NEDD4: variants seen among roughly 807,000 people sequenced by gnomAD.
NEDD4 encodes E3 ubiquitin-protein ligase NEDD4.
NEDD4 carries 99 observed loss-of-function variants against 144.9 expected under a neutral mutation model. The observed-to-expected ratio is 0.68, with a 90% CI of 0.58 to 0.81. NEDD4 has a LOEUF of 0.81. Ranked by LOEUF, NEDD4 falls within the 30% of genes least tolerant of loss-of-function variation. The pLI is 0.00. For synonymous variants in NEDD4, 318 were observed against 350.6 expected (o/e 0.91, Z 1.04); for missense variants, 985 against 1,065.9 (o/e 0.92, Z 1.06).
intron 4 of NEDD4, among the ~76,000 whole-genome samples, chr15:55,949,601 C>A (rs2037198211): frequency 6.6e-6 from 1 of 152,144 alleles, no homozygotes; most frequent in Non-Finnish European, 1.5e-5. Context: ...CACATATACA[C>A]CATGGAATAC....
At chr15:55,846,591 T>TA (rs1490444338) in intron 18 of NEDD4, among the ~76,000 whole-genome samples, 8 of 152,054 alleles carry the variant, frequency 5.3e-5, no homozygotes, top group Admixed American at 1.3e-4. Context: ...AACAAAGTCA[T>TA]AAAAAAATCC....
chr15:55,982,672 T>C (rs2037823285), intron 1 of NEDD4, among the ~76,000 whole-genome samples: 2 of 152,200 alleles, frequency 1.3e-5, no homozygotes. Context: ...GCTTTACATG[T>C]TGAAAATCAT....
chr15:55,836,073 T>A (rs1403080671), intron 24 of NEDD4, among the ~76,000 whole-genome samples: 1 of 152,090 alleles, frequency 6.6e-6, no homozygotes, highest in Admixed American at 6.6e-5. Context: ...TTGCCAGACT[T>A]CACACACGCT....
At chr15:55,965,856 G>C (rs2037503840) in intron 2 of NEDD4, among the ~76,000 whole-genome samples, 1 of 151,986 alleles carries the variant, frequency 6.6e-6, no homozygotes, top group Admixed American at 6.6e-5. Flanking sequence ...TCACCATGTT[G>C]GTCAGGCTGG....
At chr15:55,915,330 C>T in intron 5 of NEDD4, 1 of 1,609,800 alleles carries the variant, frequency 6.2e-7, no homozygotes, top group Non-Finnish European at 8.5e-7. Context: ...GTTGCTGTCT[C>T]TTGATAAATT....
chr15:55,844,390 G>T (rs544006165), intron 18 of NEDD4, among the ~76,000 whole-genome samples: 3 of 146,492 alleles, frequency 2.0e-5, no homozygotes, highest in Admixed American at 1.4e-4. Context: ...AGGCACACTG[G>T]TCAGTTAAAG....
At chr15:55,945,686 G>A (rs1221574637) in intron 4 of NEDD4, among the ~76,000 whole-genome samples, 1 of 151,926 alleles carries the variant, frequency 6.6e-6, no homozygotes, top group African/African-American at 2.4e-5. Context: ...CTCGAGAAGA[G>A]CAACCCCAAG....
intron 1 of NEDD4, among the ~76,000 whole-genome samples, chr15:55,972,685 A>C (rs2037631487): frequency 6.6e-6 from 1 of 152,214 alleles, no homozygotes; most frequent in African/African-American, 2.4e-5. Context: ...TCCAATCAAA[A>C]GACATAGAGT....
intron 1 of NEDD4, among the ~76,000 whole-genome samples, chr15:55,981,883 G>A (rs1371906981): frequency 6.6e-6 from 1 of 152,124 alleles, no homozygotes; most frequent in African/African-American, 2.4e-5. Context: ...CAGTTAACGT[G>A]GTTATGGAAG....
chr15:55,978,480 G>C (rs1422845163), intron 1 of NEDD4, among the ~76,000 whole-genome samples: 2 of 152,142 alleles, frequency 1.3e-5, no homozygotes, highest in African/African-American at 4.8e-5. Flanking sequence ...TGTTTGAAAA[G>C]GAGGGAAAGC....
intron 4 of NEDD4, among the ~76,000 whole-genome samples, chr15:55,941,194 T>C (rs953073901): frequency 2.0e-5 from 3 of 152,216 alleles, no homozygotes; most frequent in South Asian, 2.1e-4. Context: ...CTTGGTTTTA[T>C]TTATTTTCTC....
chr15:55,989,190 C>G (rs2140457277), intron 1 of NEDD4, among the ~76,000 whole-genome samples: 1 of 152,294 alleles, frequency 6.6e-6, no homozygotes, highest in East Asian at 1.9e-4. Flanking sequence ...GAGCTGAGAT[C>G]ACGCCATTGC....
intron 1 of NEDD4, among the ~76,000 whole-genome samples, chr15:55,984,443 C>G (rs1204017374): frequency 6.6e-6 from 1 of 152,188 alleles, no homozygotes; most frequent in Non-Finnish European, 1.5e-5. Flanking sequence ...ATGAAAAAAT[C>G]TAACCTGGTG....
intron 5 of NEDD4, among the ~76,000 whole-genome samples, chr15:55,900,186 A>G (rs1004757291): frequency 2.6e-5 from 4 of 152,178 alleles, no homozygotes; most frequent in East Asian, 1.9e-4. Context: ...ACCAGAGCCC[A>G]GTGGGACACA....
intron 1 of NEDD4, among the ~76,000 whole-genome samples, chr15:55,984,176 A>G (rs1390791306): frequency 6.6e-6 from 1 of 152,248 alleles, no homozygotes; most frequent in African/African-American, 2.4e-5. Flanking sequence ...AAATGAGAGC[A>G]TAACAATTAC....
chr15:55,983,455 C>A (rs1436216623), intron 1 of NEDD4, among the ~76,000 whole-genome samples: 9 of 152,092 alleles, frequency 5.9e-5, no homozygotes, highest in Non-Finnish European at 1.0e-4. Context: ...CCTTCCTGTT[C>A]GTCTCCATCC....
chr15:55,923,518 GC>G (rs567915810), intron 5 of NEDD4, among the ~76,000 whole-genome samples: 94 of 152,002 alleles, frequency 6.2e-4, no homozygotes, highest in African/African-American at 2.2e-3. Flanking sequence ...GTGGTGGTGA[GC>G]GCCTGTGGTC....
intron 5 of NEDD4, among the ~76,000 whole-genome samples, chr15:55,911,338 A>C (rs2036266443): frequency 6.6e-6 from 1 of 152,022 alleles, no homozygotes; most frequent in African/African-American, 2.4e-5. Context: ...GAGATGGGGA[A>C]TCCCTGCCCT....
chr15:55,993,436 C>T, intron 1 of NEDD4, 75 bp downstream of exon 1: 3 of 1,549,568 alleles, frequency 1.9e-6, no homozygotes, highest in Non-Finnish European at 2.6e-6. Flanking sequence ...TCGTGGCCGC[C>T]GCCGCTACCT....
Sources: allele counts gnomAD v4.1 joint callset (sites outside exome capture counted in the v4.1 genomes callset), GRCh38; gene constraint gnomAD v4.1.1; transcripts MANE v1.5; gene names NCBI Gene and HGNC (gene_info 2026-07-23, HGNC 2026-07-21).